The following PTPRO variants were observed in gnomAD, a reference collection of about 807,000 sequenced individuals.
The protein encoded by PTPRO is receptor-type tyrosine-protein phosphatase O.
PTPRO carries 62 observed loss-of-function variants against 145.2 expected under a neutral mutation model. The ratio of observed to expected loss-of-function variants is 0.43; its 90% CI spans 0.35 to 0.53. The LOEUF is 0.53. PTPRO is among the 20% of genes least tolerant of loss of function. The pLI is 0.01. For missense variants in PTPRO, 1,345 were observed against 1,482.7 expected, an observed-to-expected ratio of 0.91 and a Z score of 1.53; for synonymous variants, 565 against 514.7, an observed-to-expected ratio of 1.10 and a Z score of -1.32.
At chr12:15,456,823 CATTT>C (rs531104087) in intron 1 of PTPRO, among the ~76,000 whole-genome samples, 11 of 152,120 alleles carry the variant, frequency 7.2e-5, no homozygotes, top group Admixed American at 7.2e-4. Context: ...CTTCTGTTTT[CATTT>C]ATTTGTATTC....
intron 1 of PTPRO, among the ~76,000 whole-genome samples, chr12:15,449,107 A>G (rs1410830686): frequency 1.4e-5 from 2 of 139,224 alleles, no homozygotes; most frequent in Non-Finnish European, 3.1e-5. Flanking sequence ...CCACGTAGTG[A>G]AAGAAGATTT....
At chr12:15,557,689 A>G (rs538410970) in intron 16 of PTPRO, among the ~76,000 whole-genome samples, 166 bp downstream of exon 16, 1 of 152,302 alleles carries the variant, frequency 6.6e-6, no homozygotes, top group Admixed American at 6.5e-5. Context: ...AATGGTTTAT[A>G]TAAGCTCAGT....
chr12:15,586,365 G>C (rs1432547670), intron 23 of PTPRO, among the ~76,000 whole-genome samples: 2 of 152,158 alleles, frequency 1.3e-5, no homozygotes, highest in Admixed American at 1.3e-4. Flanking sequence ...TCTGAAAAAG[G>C]CTGGATTTTT....
chr12:15,482,031 A>C (rs1271981318), intron 1 of PTPRO, among the ~76,000 whole-genome samples: 1 of 152,136 alleles, frequency 6.6e-6, no homozygotes, highest in Non-Finnish European at 1.5e-5. Flanking sequence ...AAAGGAAATC[A>C]GTATGTTGAC....
At chr12:15,451,249 A>G (rs1171727303) in intron 1 of PTPRO, among the ~76,000 whole-genome samples, 1 of 152,202 alleles carries the variant, frequency 6.6e-6, no homozygotes, top group Non-Finnish European at 1.5e-5. Context: ...GAAACATTAT[A>G]TAATGATAAA....
At chr12:15,537,215 G>A (rs999112209) in intron 12 of PTPRO, among the ~76,000 whole-genome samples, 1 of 152,142 alleles carries the variant, frequency 6.6e-6, no homozygotes, top group African/African-American at 2.4e-5. Flanking sequence ...AGATAAAGGA[G>A]CTTGGATTCA....
At chr12:15,480,707 T>C (rs867240878) in intron 1 of PTPRO, among the ~76,000 whole-genome samples, 25 of 152,128 alleles carry the variant, frequency 1.6e-4, no homozygotes, top group Middle Eastern at 6.8e-3. Context: ...CCTCTGGCTA[T>C]AAGCTGATGT....
chr12:15,400,729 C>T (rs1242194328), intron 1 of PTPRO, among the ~76,000 whole-genome samples: 1 of 152,202 alleles, frequency 6.6e-6, no homozygotes, highest in Non-Finnish European at 1.5e-5. Flanking sequence ...CTATTTTACA[C>T]TGGGTACTTT....
chr12:15,485,229 C>T (rs1309281886), intron 2 of PTPRO, among the ~76,000 whole-genome samples: 1 of 152,052 alleles, frequency 6.6e-6, no homozygotes, highest in African/African-American at 2.4e-5. Context: ...TTAAAGTCTC[C>T]ATTGGCACAA....
chr12:15,533,933 A>T (rs2136543773), intron 12 of PTPRO, among the ~76,000 whole-genome samples: 1 of 152,258 alleles, frequency 6.6e-6, no homozygotes, highest in South Asian at 2.1e-4. Flanking sequence ...CCTCTATAGA[A>T]AGAAACCAAA....
At chr12:15,330,716 C>T (rs1234927066) in intron 1 of PTPRO, among the ~76,000 whole-genome samples, 1 of 152,206 alleles carries the variant, frequency 6.6e-6, no homozygotes, top group Non-Finnish European at 1.5e-5. Context: ...GATGTTCTGG[C>T]CAAATTCCTG....
chr12:15,358,787 G>A (rs550775636), intron 1 of PTPRO, among the ~76,000 whole-genome samples: 1 of 152,344 alleles, frequency 6.6e-6, no homozygotes, highest in African/African-American at 2.4e-5. Context: ...GTGAACAGAA[G>A]TTGTCAGTGG....
At chr12:15,587,621 G>A (rs1315371199) in intron 24 of PTPRO, among the ~76,000 whole-genome samples, 1 of 152,078 alleles carries the variant, frequency 6.6e-6, no homozygotes, top group Non-Finnish European at 1.5e-5. Flanking sequence ...AAAGGATATA[G>A]GATATAAAAA....
chr12:15,360,829 T>C (rs963647182), intron 1 of PTPRO, among the ~76,000 whole-genome samples: 1 of 91,958 alleles, frequency 1.1e-5, no homozygotes, highest in African/African-American at 3.6e-5. Context: ...TATGTGTGTG[T>C]ATATATATAC....
At chr12:15,438,141 C>A (rs572632315) in intron 1 of PTPRO, among the ~76,000 whole-genome samples, 10 of 152,136 alleles carry the variant, frequency 6.6e-5, no homozygotes, top group African/African-American at 1.2e-4. Flanking sequence ...CACAGTCACA[C>A]CCCATAAAGC....
intron 1 of PTPRO, among the ~76,000 whole-genome samples, chr12:15,480,492 G>A (rs925944670): frequency 2.0e-5 from 3 of 152,116 alleles, no homozygotes; most frequent in Non-Finnish European, 4.4e-5. Context: ...AGCTTTGGCT[G>A]GGCTACCTGC....
intron 1 of PTPRO, among the ~76,000 whole-genome samples, chr12:15,457,241 C>T (rs1591828246): frequency 1.3e-5 from 2 of 152,312 alleles, no homozygotes; most frequent in South Asian, 4.1e-4. Context: ...GGCTTTTAGC[C>T]TCTGACTGAG....
chr12:15,460,565 G>A (rs570476440), intron 1 of PTPRO, among the ~76,000 whole-genome samples: 6 of 152,208 alleles, frequency 3.9e-5, no homozygotes, highest in Non-Finnish European at 4.4e-5. Context: ...TACAAGTCCA[G>A]CAATTCATCT....
intron 15 of PTPRO, among the ~76,000 whole-genome samples, chr12:15,554,456 T>C (rs11056557): frequency 0.29 from 44,401 of 151,626 alleles, 7,100 homozygotes; most frequent in Middle Eastern, 0.45. Context: ...TACATAGATA[T>C]AGGTATATGG....
Sources: allele counts gnomAD v4.1 joint callset (sites outside exome capture counted in the v4.1 genomes callset), GRCh38; gene constraint gnomAD v4.1.1; transcripts MANE v1.5; gene names NCBI Gene and HGNC (gene_info 2026-07-23, HGNC 2026-07-21).